FBXL14: variants seen among roughly 807,000 people sequenced by gnomAD.
FBXL14 encodes the protein F-box and leucine rich repeat protein 14.
In FBXL14, 11 loss-of-function variants were observed where a neutral mutation model predicts 24.5. The observed-to-expected ratio is 0.45, with a 90% CI of 0.28 to 0.74. The LOEUF (loss-of-function observed/expected upper bound fraction) is 0.74, where lower values mean the gene tolerates loss of function less well. Among genes scored for constraint, FBXL14 ranks in the 30% least tolerant of loss-of-function variants. FBXL14 has a pLI of 0.12. For synonymous variants in FBXL14, 294 were observed against 240.4 expected (o/e 1.22, Z -2.06); for missense variants, 384 against 545.6 (o/e 0.70, Z 2.95).
Position 1,593,271 on chromosome 12 carries a change from T to C in FBXL14, c.796A>G (p.Ile266Val), listed in dbSNP as rs2094494599. Reference sequence around the variant, plus strand: ...AGATGCATGATGCCCGTGTCACTGATGTTGTCACAGGAGCGCAGGTTGAGG... The same window carrying C: ...AGATGCATGATGCCCGTGTCACTGACGTTGTCACAGGAGCGCAGGTTGAGG... ...RSLNLRSCDN[I>V]SDTGIMHLAM... Residue 266 changes from isoleucine to valine, a missense_variant, in exon 1 of 2, where the codon ATC becomes GTC. Transcript: ENST00000339235. The surrounding 1 kb of genome is among the most constrained non-coding windows in gnomAD (Gnocchi z 7.4). The C allele has an allele frequency of 6.2e-7, 1 of 1,612,720 alleles. No individual in the cohort carries two copies. Among genetic ancestry groups the C allele is most frequent in the Non-Finnish European group, 8.5e-7 (1 of 1,179,786 alleles).
At position 1,566,598 on chromosome 12, in the gene FBXL14, G is replaced by A; in HGVS notation, c.*150C>T. On this transcript the variant is annotated 3_prime_UTR_variant, in exon 2 of 2. Coordinates refer to ENST00000339235, the MANE Select transcript of FBXL14 (RefSeq NM_152441.3). ...CGGCAGGAGAATGCAGCTTCACAAG[G>A]TACCGGAGCAGAAGCCCTGGGCAGC... 1 of 663,032 alleles carries A rather than the reference G, an allele frequency of 1.5e-6. No individual in the cohort carries two copies. Among genetic ancestry groups the A allele is most frequent in the Non-Finnish European group, 2.8e-6 (1 of 363,268 alleles). 41.1% of individuals were successfully genotyped at this position (663,032 alleles called of 1,614,324 possible). A position where few individuals can be genotyped will look rare whatever the true frequency, so the allele number is the denominator to read the frequency against.
intron 1 of FBXL14, among the ~76,000 whole-genome samples, chr12:1,580,868 TC>T (rs2094464907): frequency 6.6e-6 from 1 of 152,130 alleles, no homozygotes; most frequent in Admixed American, 6.5e-5. Flanking sequence ...GCACACAAGT[TC>T]CTTAGTTTCT....
In FBXL14 at chr12:1,589,436, C is replaced by CAA. The variant is rs71055169; in HGVS notation, c.1194+3435_1194+3436dup. Among the ~76,000 whole-genome samples the CAA allele has an allele frequency of 5.9e-4, 20 of 34,068 alleles. 1 individual carries two copies. The highest frequency in any genetic ancestry group is 1.8e-3 in the South Asian group (1 of 546). 22.3% of individuals were successfully genotyped at this position (34,068 alleles called of 152,430 possible). On this transcript the variant is annotated intron_variant, in intron 1 of 1. Coordinates refer to ENST00000339235, the MANE Select transcript of FBXL14 (RefSeq NM_152441.3). ...AAAAAAAAAGATCAAGACCTTGTCT[C>CAA]AAAAAAAAAAAAAAAAAAAGACAGG...
At chr12:1,590,035 AAAAC>A (rs1417804333) in intron 1 of FBXL14, among the ~76,000 whole-genome samples, 1 of 152,232 alleles carries the variant, frequency 6.6e-6, no homozygotes, top group Non-Finnish European at 1.5e-5. Context: ...TCTTGGAAGA[AAAAC>A]AGACTAAGAA....
rs185867609 is a variant in FBXL14 at position 1,567,493 on chromosome 12, A to T, written c.1195-683T>A. Among the ~76,000 whole-genome samples the T allele has an allele frequency of 5.3e-4, 80 of 152,102 alleles. No individual in the cohort carries two copies. The highest frequency in any genetic ancestry group is 1.9e-3 in the African/African-American group (78 of 41,510). ...GCGACAGAGTGGTACTCTGTCTCAA[A>T]AATAATAATAATAATAAAATGAAAT... On this transcript the variant is annotated intron_variant, in intron 1 of 1. Transcript: ENST00000339235. The surrounding 1 kb of genome is among the most constrained non-coding windows in gnomAD (Gnocchi z 4.8).
At chr12:1,582,170 AAAAG>A (rs1455725084) in intron 1 of FBXL14, among the ~76,000 whole-genome samples, 4 of 151,894 alleles carry the variant, frequency 2.6e-5, no homozygotes, top group Non-Finnish European at 4.4e-5. Context: ...GGAAAGAAGG[AAAAG>A]AAAGAAAAGA....
At chr12:1,589,742 G>GT in intron 1 of FBXL14, among the ~76,000 whole-genome samples, 1 of 152,322 alleles carries the variant, frequency 6.6e-6, no homozygotes, top group Admixed American at 6.5e-5. Flanking sequence ...ACTCTAGGTG[G>GT]TTTATCATCT....
chr12:1,573,756 A>G (rs562610941), intron 1 of FBXL14, among the ~76,000 whole-genome samples: 30 of 152,280 alleles, frequency 2.0e-4, no homozygotes, highest in Admixed American at 1.1e-3. Flanking sequence ...TGTAATCCCA[A>G]CACTTTGGGA....
At chr12:1,586,379 T>A (rs1460369113) in intron 1 of FBXL14, among the ~76,000 whole-genome samples, 1 of 151,972 alleles carries the variant, frequency 6.6e-6, no homozygotes, top group African/African-American at 2.4e-5. Context: ...CAAAAAATAA[T>A]AATTTTTTTA....
chr12:1,571,861 A>G (rs1413063974), intron 1 of FBXL14, among the ~76,000 whole-genome samples: 1 of 152,192 alleles, frequency 6.6e-6, no homozygotes, highest in African/African-American at 2.4e-5. Context: ...TTGTTCCTCA[A>G]ATATTGATTG....
chr12:1,592,948 G>T lies in FBXL14; in HGVS notation c.1119C>A (p.Gly373=). ...ACGGCAGCTGCGTGATGCGCTCCAG[G>T]CCGCGCTTGGTGATTCGGGTGCAGC... ...LYGCTRITKR[G]LERITQLPCL... Residue 373 remains glycine (G), a synonymous_variant, in exon 1 of 2, where the codon GGC becomes GGA. Transcript: ENST00000339235. 6.2e-7 allele frequency: 1 copy of T among 1,612,968 alleles called. No homozygotes were observed. The highest frequency in any genetic ancestry group is 8.5e-7 in the Non-Finnish European group (1 of 1,179,508).
chr12:1,590,563 C>T (rs1423138483), intron 1 of FBXL14, among the ~76,000 whole-genome samples: 1 of 152,184 alleles, frequency 6.6e-6, no homozygotes, highest in Non-Finnish European at 1.5e-5. Context: ...TATTTTGTTA[C>T]TGTCTACCAA....
chr12:1,566,873 C>T (rs12422360), intron 1 of FBXL14, 63 bp from the exon 2 acceptor site: 56,040 of 771,820 alleles, frequency 0.073, 2,946 homozygotes, highest in South Asian at 0.18. Context: ...CTCTTCCTAA[C>T]GAGGTCGCCT....
chr12:1,594,171 C>CGCCGCT lies in FBXL14; in HGVS notation c.-106_-105insAGCGGC. ...GCTTCTCCCCAGCCGCCGCCGCCGC[C>CGCCGCT]GCCGCCGCCGCCTCGGGCCCAACGG... On this transcript the variant is annotated 5_prime_UTR_variant, in exon 1 of 2. Transcript: ENST00000339235. 1 of 925,308 alleles carries CGCCGCT rather than the reference C, an allele frequency of 1.1e-6. No homozygotes were observed. The highest frequency in any genetic ancestry group is 1.4e-6 in the Non-Finnish European group (1 of 724,590). 57.3% of individuals were successfully genotyped at this position (925,308 alleles called of 1,614,324 possible). A position where few individuals can be genotyped will look rare whatever the true frequency, so the allele number is the denominator to read the frequency against.
At chr12:1,585,340 G>A (rs1221210636) in intron 1 of FBXL14, among the ~76,000 whole-genome samples, 2 of 151,896 alleles carry the variant, frequency 1.3e-5, no homozygotes, top group Non-Finnish European at 2.9e-5. Flanking sequence ...AGAGCTTGCA[G>A]TGAGCCAAGA....
chr12:1,568,096 A>G (rs2094439262), intron 1 of FBXL14, among the ~76,000 whole-genome samples: 1 of 152,246 alleles, frequency 6.6e-6, no homozygotes, highest in Non-Finnish European at 1.5e-5. Flanking sequence ...CAGAAAAACT[A>G]CACCTGGGCA....
At position 1,566,497 on chromosome 12, in the gene FBXL14, G is replaced by A. The variant is rs1050751169; in HGVS notation, c.*251C>T. 2.4e-6 allele frequency: 1 copy of A among 416,264 alleles called. No individual in the cohort carries two copies. Among genetic ancestry groups the A allele is most frequent in the African/African-American group, 2.0e-5 (1 of 49,438 alleles). 25.8% of individuals were successfully genotyped at this position (416,264 alleles called of 1,614,324 possible). A position where few individuals can be genotyped will look rare whatever the true frequency, so the allele number is the denominator to read the frequency against. On this transcript the variant is annotated 3_prime_UTR_variant, in exon 2 of 2. Transcript: ENST00000339235. ...TAGCAAGTAAAAAGCTGAACAGACT[G>A]AAAAAGCAAGTCTCCTTGGATCCAT...
chr12:1,584,539 C>T (rs1293479187), intron 1 of FBXL14, among the ~76,000 whole-genome samples: 2 of 152,192 alleles, frequency 1.3e-5, no homozygotes, highest in Non-Finnish European at 2.9e-5. Flanking sequence ...AGCACAATGG[C>T]AGGGCATCTG....
intron 1 of FBXL14, among the ~76,000 whole-genome samples, chr12:1,582,978 T>A (rs2094469600): frequency 6.6e-6 from 1 of 152,168 alleles, no homozygotes; most frequent in Non-Finnish European, 1.5e-5. Flanking sequence ...TGTCCTAATG[T>A]CAGTTTTCTG....
Sources: gnomAD v4.1 joint callset for allele counts (sites outside exome capture counted in the v4.1 genomes callset) on GRCh38, gnomAD v4.1.1 for gene constraint, Gnocchi (gnomAD v3.1) non-coding constraint, MANE v1.5 for transcripts, NCBI Gene and HGNC (gene_info 2026-07-23, HGNC 2026-07-21) for gene names.